Variants in COL12A1 observed in about 807,000 individuals in gnomAD.
The protein encoded by COL12A1 is collagen alpha-1(XII) chain.
A neutral mutation model predicts 349.7 loss-of-function variants in COL12A1; 114 were observed. The ratio of observed to expected loss-of-function variants is 0.33; its 90% CI spans 0.28 to 0.38. The LOEUF (loss-of-function observed/expected upper bound fraction) is 0.38, where lower values mean the gene tolerates loss of function less well. Among genes scored for constraint, COL12A1 ranks in the 10% least tolerant of loss-of-function variants. The pLI is 1.00. For synonymous variants in COL12A1, 1,369 were observed against 1,329.0 expected (o/e 1.03, Z -0.66); for missense variants, 3,284 against 3,756.9 (o/e 0.87, Z 3.29).
At chr6:75,167,380 A>G (rs1582165644) in intron 13 of COL12A1, among the ~76,000 whole-genome samples, 1 of 152,196 alleles carries the variant, frequency 6.6e-6, no homozygotes, top group Non-Finnish European at 1.5e-5. Context: ...AGTCAGGAAC[A>G]GCTGTTGTGA....
intron 26 of COL12A1, among the ~76,000 whole-genome samples, chr6:75,142,507 C>A (rs958736309): frequency 3.3e-5 from 5 of 152,152 alleles, no homozygotes; most frequent in African/African-American, 1.2e-4. Flanking sequence ...TTGCTATGCA[C>A]AAGAATCTTG....
chr6:75,103,307 T>C (rs923783877), intron 55 of COL12A1, among the ~76,000 whole-genome samples: 4 of 152,196 alleles, frequency 2.6e-5, no homozygotes, highest in Admixed American at 6.5e-5. Flanking sequence ...TGAGTTGTCT[T>C]ACAGAAAACC....
At chr6:75,154,712 C>T (rs530842517) in intron 16 of COL12A1, among the ~76,000 whole-genome samples, 175 bp from the exon 17 acceptor site, 2 of 152,250 alleles carry the variant, frequency 1.3e-5, no homozygotes, top group South Asian at 4.1e-4. Context: ...CTCACTTACG[C>T]TTACCCTGTG....
rs1044813586 is a variant in COL12A1 at position 75,145,359 on chromosome 6, T to A, written c.4657A>T (p.Thr1553Ser). 2 of 1,613,202 alleles carry A rather than the reference T, an allele frequency of 1.2e-6. No individual in the cohort carries two copies. The highest frequency in any genetic ancestry group is 3.3e-5 in the Admixed American group (2 of 59,978). Residue 1553 changes from threonine to serine, a missense_variant, in exon 25 of 66, where the codon ACT (threonine) becomes TCT (serine). Coordinates refer to ENST00000322507, the MANE Select transcript of COL12A1 (RefSeq NM_004370.6). Reference sequence around the variant, plus strand: ...TCCCGAACAGTGACAGGTTCACTAGTGAGGTCGTGCAGGACAGCCTGGACT... The same window carrying A: ...TCCCGAACAGTGACAGGTTCACTAGAGAGGTCGTGCAGGACAGCCTGGACT... ...VTVQAVLHDL[T>S]SEPVTVREVT... is the part of the protein sequence containing the mutation.
intron 2 of COL12A1, among the ~76,000 whole-genome samples, chr6:75,199,166 G>T (rs1162717703): frequency 6.6e-6 from 1 of 152,118 alleles, no homozygotes; most frequent in Non-Finnish European, 1.5e-5. Context: ...CACAAACAAA[G>T]CACAGTGTGA....
chr6:75,121,210 TTTA>T, intron 44 of COL12A1, 89 bp downstream of exon 44: 4 of 1,228,786 alleles, frequency 3.3e-6, no homozygotes, highest in Non-Finnish European at 4.3e-6. Flanking sequence ...CAAAACAGAG[TTTA>T]TATTGAAAAG....
At chr6:75,142,517 G>A (rs1766950852) in intron 26 of COL12A1, among the ~76,000 whole-genome samples, 1 of 152,162 alleles carries the variant, frequency 6.6e-6, no homozygotes, top group Non-Finnish European at 1.5e-5. Context: ...CAAGAATCTT[G>A]TGAGATCCAC....
Position 75,090,102 on chromosome 6 carries a change from A to G in COL12A1, c.8941+8T>C. ...CTTTATCCCAATACAGAAGCCAGAA[A>G]TGCCTACCTCGTTCCCCAGGGGGTC... On this transcript the variant is annotated splice_region_variant and intron_variant, in intron 63 of 65. Transcript: ENST00000322507. The surrounding 1 kb of genome is among the most constrained non-coding windows in gnomAD (Gnocchi z 4.1). 1 of 1,612,496 alleles carries G rather than the reference A, an allele frequency of 6.2e-7. No homozygotes were observed. The highest frequency in any genetic ancestry group is 8.5e-7 in the Non-Finnish European group (1 of 1,179,806).
At chr6:75,135,163 C>CG (rs940439108) in intron 31 of COL12A1, among the ~76,000 whole-genome samples, 11 of 149,170 alleles carry the variant, frequency 7.4e-5, no homozygotes, top group East Asian at 3.9e-4. Context: ...AAAAAGGGGG[C>CG]GGGGGGGACT....
intron 43 of COL12A1, among the ~76,000 whole-genome samples, chr6:75,121,763 A>C (rs1765745157): frequency 6.6e-6 from 1 of 152,226 alleles, no homozygotes; most frequent in African/African-American, 2.4e-5. Flanking sequence ...GGAACTCTTC[A>C]AGTAGTTTTG....
chr6:75,121,696 C>A (rs1444726623), intron 43 of COL12A1, among the ~76,000 whole-genome samples: 1 of 152,092 alleles, frequency 6.6e-6, no homozygotes, highest in Admixed American at 6.6e-5. Context: ...TCAATACCTG[C>A]TCTGGAATTA....
intron 14 of COL12A1, among the ~76,000 whole-genome samples, chr6:75,157,998 C>T (rs144729603): frequency 6.6e-6 from 1 of 152,232 alleles, no homozygotes; most frequent in African/African-American, 2.4e-5. Flanking sequence ...AGTAACTTAA[C>T]TGTATTCCAG....
At chr6:75,196,125 C>T (rs978012086) in intron 2 of COL12A1, among the ~76,000 whole-genome samples, 3 of 152,188 alleles carry the variant, frequency 2.0e-5, no homozygotes, top group African/African-American at 7.2e-5. Context: ...AATGTTCATG[C>T]CTCATCATGC....
intron 27 of COL12A1, among the ~76,000 whole-genome samples, chr6:75,141,792 T>G (rs1309874406): frequency 6.6e-6 from 1 of 152,094 alleles, no homozygotes; most frequent in Non-Finnish European, 1.5e-5. Context: ...ATCAAGTAGT[T>G]GTAGTTGGAA....
intron 20 of COL12A1, 98 bp downstream of exon 20, chr6:75,151,769 G>A: frequency 8.1e-7 from 1 of 1,234,874 alleles, no homozygotes; most frequent in Non-Finnish European, 1.1e-6. Context: ...AAAAAAATGG[G>A]TATTTTTTTT....
chr6:75,100,175 A>G, intron 58 of COL12A1, among the ~76,000 whole-genome samples: 1 of 152,194 alleles, frequency 6.6e-6, no homozygotes, highest in East Asian at 1.9e-4. Flanking sequence ...TGAGAATGGA[A>G]GAGCACAGTC....
chr6:75,152,752 T>A (rs145275174), intron 17 of COL12A1, among the ~76,000 whole-genome samples: 57 of 152,312 alleles, frequency 3.7e-4, no homozygotes, highest in African/African-American at 1.3e-3. Flanking sequence ...CCCTCTTTCA[T>A]AGAACCTGGA....
At chr6:75,103,378 A>AT (rs1208053708) in intron 55 of COL12A1, among the ~76,000 whole-genome samples, 1 of 150,778 alleles carries the variant, frequency 6.6e-6, no homozygotes, top group Non-Finnish European at 1.5e-5. Flanking sequence ...GCCACTCAGC[A>AT]TTTTTTTTCT....
intron 8 of COL12A1, among the ~76,000 whole-genome samples, chr6:75,187,397 GA>G (rs1421437373): frequency 2.6e-5 from 4 of 151,816 alleles, no homozygotes; most frequent in East Asian, 3.9e-4. Context: ...AACAGTGGCA[GA>G]AAAAAAGTCT....
Sources: allele counts gnomAD v4.1 joint callset (sites outside exome capture counted in the v4.1 genomes callset), GRCh38; gene constraint gnomAD v4.1.1; non-coding constraint Gnocchi (gnomAD v3.1); transcripts MANE v1.5; gene names NCBI Gene and HGNC (gene_info 2026-07-23, HGNC 2026-07-21).